Variants in AGAP1 observed in about 807,000 individuals in gnomAD.
AGAP1 encodes the protein ArfGAP with GTPase domain, ankyrin repeat and PH domain 1, also known as arf-GAP with GTPase, ANK repeat and PH domain-containing protein 1.
In AGAP1, 29 loss-of-function variants were observed where a neutral mutation model predicts 105.3. The observed-to-expected ratio is 0.28, with a 90% CI of 0.21 to 0.38. The LOEUF is 0.38. Ranked by LOEUF, AGAP1 falls within the 10% of genes least tolerant of loss-of-function variation. AGAP1 has a pLI of 1.00. For synonymous variants in AGAP1, 509 were observed against 485.9 expected (o/e 1.05, Z -0.63); for missense variants, 998 against 1,165.1 (o/e 0.86, Z 2.09).
chr2:236,108,357 C>CT, intron 16 of AGAP1, among the ~76,000 whole-genome samples: 1 of 152,336 alleles, frequency 6.6e-6, no homozygotes, highest in Middle Eastern at 3.4e-3. Flanking sequence ...TGCTAGCCCT[C>CT]TTTTCTCTCC....
In AGAP1 at chr2:235,600,078, T is replaced by C. The variant is rs951888552; in HGVS notation, c.163+105229T>C. ...ATATAAACAGCCTCCAGGGAGCCCC[T>C]CTCTCCATCCCAGCCTTTCTTCCTC... On this transcript the variant is annotated intron_variant, in intron 1 of 17. Transcript: ENST00000304032. This position sits in a 1 kb window ranked among gnomAD's most constrained non-coding sequence, Gnocchi z 4.8. Among the ~76,000 whole-genome samples, 1 of 152,128 alleles carries C rather than the reference T, an allele frequency of 6.6e-6. No individual in the cohort carries two copies. The highest frequency in any genetic ancestry group is 2.4e-5 in the African/African-American group (1 of 41,430).
intron 1 of AGAP1, among the ~76,000 whole-genome samples, chr2:235,699,356 A>G (rs1200932475): frequency 6.6e-6 from 1 of 152,124 alleles, no homozygotes; most frequent in Non-Finnish European, 1.5e-5. Flanking sequence ...AAGGTTTTGG[A>G]TGATGGTGAT....
At chr2:235,814,706 A>G (rs1324373409) in intron 9 of AGAP1, among the ~76,000 whole-genome samples, 1 of 152,136 alleles carries the variant, frequency 6.6e-6, no homozygotes, top group Non-Finnish European at 1.5e-5. Flanking sequence ...GGACAGGGAA[A>G]TGGAGGTGGG....
intron 9 of AGAP1, among the ~76,000 whole-genome samples, chr2:235,816,806 G>A (rs948899500): frequency 1.1e-4 from 17 of 151,822 alleles, no homozygotes; most frequent in East Asian, 1.9e-4. Flanking sequence ...CATGAGAATC[G>A]CTTGAACCCA....
At chr2:235,851,802 A>G (rs867259522) in intron 9 of AGAP1, among the ~76,000 whole-genome samples, 2 of 152,180 alleles carry the variant, frequency 1.3e-5, no homozygotes, top group Non-Finnish European at 2.9e-5. Flanking sequence ...CCTGTTAGGA[A>G]AAGAAATAAA....
rs1576156194 is a variant in AGAP1 at position 236,044,437 on chromosome 2, G to A, written c.1891+3596G>A. 6.6e-6 allele frequency among the ~76,000 whole-genome samples: 1 copy of A among 152,128 alleles called. No homozygotes were observed. Among genetic ancestry groups the A allele is most frequent in the Non-Finnish European group, 1.5e-5 (1 of 68,030 alleles). Reference sequence around the variant, plus strand: ...TCACCGTTTCTGCTGCTTTCTCTCTGCCCATCCATGTCGCCCATGAAGCCC... The same window carrying A: ...TCACCGTTTCTGCTGCTTTCTCTCTACCCATCCATGTCGCCCATGAAGCCC... On this transcript the variant is annotated intron_variant, in intron 15 of 17. Coordinates refer to ENST00000304032, the MANE Select transcript of AGAP1 (RefSeq NM_001037131.3). The surrounding 1 kb of genome is among the most constrained non-coding windows in gnomAD (Gnocchi z 5.7).
At chr2:235,745,376 CTTG>C (rs1023958371) in intron 5 of AGAP1, among the ~76,000 whole-genome samples, 1 of 152,142 alleles carries the variant, frequency 6.6e-6, no homozygotes, top group Non-Finnish European at 1.5e-5. Flanking sequence ...GGGCACATTT[CTTG>C]TTTTCTCTGA....
chr2:235,627,902 A>G (rs1388955850), intron 1 of AGAP1, among the ~76,000 whole-genome samples: 2 of 152,274 alleles, frequency 1.3e-5, no homozygotes, highest in African/African-American at 2.4e-5. Context: ...AATCTTCTCA[A>G]TGGGAGGGAG....
chr2:235,930,507 G>T lies in AGAP1; in HGVS notation c.1325-258G>T, dbSNP rs1182650766. 6.6e-6 allele frequency among the ~76,000 whole-genome samples: 1 copy of T among 152,200 alleles called. No individual in the cohort carries two copies. The highest frequency in any genetic ancestry group is 1.5e-5 in the Non-Finnish European group (1 of 68,044). On this transcript the variant is annotated intron_variant, in intron 11 of 17. Coordinates refer to ENST00000304032, the MANE Select transcript of AGAP1 (RefSeq NM_001037131.3). The surrounding 1 kb of genome is among the most constrained non-coding windows in gnomAD (Gnocchi z 7.9). ...TGCGGTTGGGTTGCGTCTTTGTATA[G>T]GGTTGTTCGGTGCGAGCCATCTGTG...
chr2:235,808,919 C>T (rs535398272), intron 9 of AGAP1, among the ~76,000 whole-genome samples: 2 of 152,266 alleles, frequency 1.3e-5, no homozygotes, highest in Admixed American at 6.5e-5. Flanking sequence ...TATTTATAAC[C>T]TAACTCTGCA....
rs958208085 is a variant in AGAP1 at position 236,104,011 on chromosome 2, T to C, written c.2115-16181T>C. On this transcript the variant is annotated intron_variant, in intron 16 of 17. Coordinates refer to ENST00000304032, the MANE Select transcript of AGAP1 (RefSeq NM_001037131.3). The surrounding 1 kb of genome is among the most constrained non-coding windows in gnomAD (Gnocchi z 4.7). Reference sequence around the variant, plus strand: ...TACTATGTCCCTGAGATGTGGAGGGTTTTATCCCCTTTTTGCGGGTAGGGA... The same window carrying C: ...TACTATGTCCCTGAGATGTGGAGGGCTTTATCCCCTTTTTGCGGGTAGGGA... Among the ~76,000 whole-genome samples the C allele has an allele frequency of 2.0e-5, 3 of 152,024 alleles. No individual in the cohort carries two copies. Among genetic ancestry groups the C allele is most frequent in the Middle Eastern group, 3.4e-3 (1 of 294 alleles).
chr2:235,577,842 C>T lies in AGAP1; in HGVS notation c.163+82993C>T, dbSNP rs1944786190. 6.6e-6 allele frequency among the ~76,000 whole-genome samples: 1 copy of T among 152,070 alleles called. No homozygotes were observed. The highest frequency in any genetic ancestry group is 1.9e-4 in the East Asian group (1 of 5,170). On this transcript the variant is annotated intron_variant, in intron 1 of 17. Coordinates refer to ENST00000304032, the MANE Select transcript of AGAP1 (RefSeq NM_001037131.3). This position sits in a 1 kb window ranked among gnomAD's most constrained non-coding sequence, Gnocchi z 4.5. ...TCAGCGCTGCACAAAAGGCCCATGTCTGCTCGCTGGGACCTGATAGTTCGC... is the reference window on the plus strand; with the variant it reads ...TCAGCGCTGCACAAAAGGCCCATGTTTGCTCGCTGGGACCTGATAGTTCGC...
At chr2:235,774,732 C>G (rs1258775204) in intron 6 of AGAP1, among the ~76,000 whole-genome samples, 1 of 152,128 alleles carries the variant, frequency 6.6e-6, no homozygotes, top group African/African-American at 2.4e-5. Flanking sequence ...TTATTTTGGT[C>G]TTTTCAATGA....
At chr2:235,570,815 G>A (rs1482788216) in intron 1 of AGAP1, among the ~76,000 whole-genome samples, 3 of 152,250 alleles carry the variant, frequency 2.0e-5, no homozygotes, top group Non-Finnish European at 4.4e-5. Flanking sequence ...GACACTACGT[G>A]TAGGTGATTA....
rs1957305127 is a variant in AGAP1, at chr2:235,797,677, ACAACAGACTGATGATCTCTG to A, written c.674-80_674-61del. On this transcript the variant is annotated intron_variant, in intron 6 of 17. Coordinates refer to ENST00000304032, the MANE Select transcript of AGAP1 (RefSeq NM_001037131.3). ...CGAAAGAAGGAAATAACAGATTTCG[ACAACAGACTGATGATCTCTG>A]CTCTGTTCCTGAATTTGGAAATTGA... 3.2e-6 allele frequency: 5 copies of A among 1,547,822 alleles called. No individual in the cohort carries two copies. In the South Asian group the frequency reaches 5.8e-5, roughly 18 times the overall value.
At chr2:235,784,365 T>A (rs1956474323) in intron 6 of AGAP1, among the ~76,000 whole-genome samples, 1 of 152,172 alleles carries the variant, frequency 6.6e-6, no homozygotes, top group South Asian at 2.1e-4. Context: ...AAAGAATACT[T>A]TGACTTCCTC....
In AGAP1 at chr2:235,756,556, A is replaced by G. The variant is rs569500439; in HGVS notation, c.673+6068A>G. 3.3e-5 allele frequency among the ~76,000 whole-genome samples: 5 copies of G among 152,166 alleles called. No homozygotes were observed. In the South Asian group the frequency reaches 8.3e-4, roughly 25 times the overall value. On this transcript the variant is annotated intron_variant, in intron 6 of 17. Coordinates refer to ENST00000304032, the MANE Select transcript of AGAP1 (RefSeq NM_001037131.3). ...TCTTCACTCCCCCTCTCCTAGAATGAGCTGATAAAGATGTACGTGAGTGGT... is the reference window on the plus strand; with the variant it reads ...TCTTCACTCCCCCTCTCCTAGAATGGGCTGATAAAGATGTACGTGAGTGGT...
rs1459423584 is a variant in AGAP1, at chr2:236,025,877, G to A, written c.1646-10684G>A. Among the ~76,000 whole-genome samples, 4 of 109,242 alleles carry A rather than the reference G, an allele frequency of 3.7e-5. No individual in the cohort carries two copies. The East Asian group carries it at 1.1e-3, about 30-fold the overall frequency. 71.7% of individuals were successfully genotyped at this position (109,242 alleles called of 152,430 possible). On this transcript the variant is annotated intron_variant, in intron 13 of 17. Coordinates refer to ENST00000304032, the MANE Select transcript of AGAP1 (RefSeq NM_001037131.3). ...AGATGGTGCCACTGCACTCCAGCCT[G>A]AGCGACAGAGGGAGACTCCTTCTCG...
rs534300951 is a variant in AGAP1 at position 235,958,009 on chromosome 2, G to A, written c.1484-10453G>A. 3.3e-5 allele frequency among the ~76,000 whole-genome samples: 5 copies of A among 152,308 alleles called. No homozygotes were observed. Among genetic ancestry groups the A allele is most frequent in the Non-Finnish European group, 5.9e-5 (4 of 68,034 alleles). On this transcript the variant is annotated intron_variant, in intron 12 of 17. Coordinates refer to ENST00000304032, the MANE Select transcript of AGAP1 (RefSeq NM_001037131.3). The surrounding 1 kb of genome is among the most constrained non-coding windows in gnomAD (Gnocchi z 4.1). ...TGGAAGTCAGCAGGGGCAGGGGGCC[G>A]ATACATACGTGCTTAGCATTTTCCT... is the stretch of plus-strand genomic sequence containing the variant.
Sources: allele counts gnomAD v4.1 joint callset (sites outside exome capture counted in the v4.1 genomes callset), GRCh38; gene constraint gnomAD v4.1.1; non-coding constraint Gnocchi (gnomAD v3.1); transcripts MANE v1.5; gene names NCBI Gene and HGNC (gene_info 2026-07-23, HGNC 2026-07-21).